The following AMMECR1 variants were observed in gnomAD, a reference collection of about 807,000 sequenced individuals.
The protein encoded by AMMECR1 is AMMECR nuclear protein 1.
AMMECR1 carries 3 observed loss-of-function variants against 22.5 expected under a neutral mutation model. The observed-to-expected ratio is 0.13, with a 90% CI of 0.06 to 0.35. The LOEUF is 0.35. AMMECR1 is among the 10% of genes least tolerant of loss of function. The pLI, the probability that AMMECR1 is intolerant of heterozygous loss-of-function variation, is 1.00. For missense variants in AMMECR1, 235 were observed against 278.7 expected, an observed-to-expected ratio of 0.84 and a Z score of 1.12; for synonymous variants, 130 against 116.7, an observed-to-expected ratio of 1.11 and a Z score of -0.74.
At chrX:110,418,903 C>T (rs2068697577) in intron 2 of AMMECR1, among the ~76,000 whole-genome samples, 1 of 110,651 alleles carries the variant, frequency 9.0e-6, no homozygotes, top group Non-Finnish European at 1.9e-5. Context: ...GAGCCCACCC[C>T]CGCCCTTTAC....
intron 2 of AMMECR1, among the ~76,000 whole-genome samples, chrX:110,354,732 A>G (rs1230544889): frequency 8.9e-6 from 1 of 112,478 alleles, no homozygotes; most frequent in Non-Finnish European, 1.9e-5. Flanking sequence ...CAAAGGTGCC[A>G]AGACTATACA....
intron 2 of AMMECR1, among the ~76,000 whole-genome samples, chrX:110,418,849 T>C (rs1041420053): frequency 8.9e-6 from 1 of 111,899 alleles, no homozygotes; most frequent in Admixed American, 9.5e-5. Flanking sequence ...CAGTGAGTTC[T>C]TTCAGCTCAT....
In AMMECR1 at chrX:110,195,788, A is replaced by G. The variant is rs2067366698; in HGVS notation, c.*2732T>C. 1 of 112,557 alleles carries G rather than the reference A, an allele frequency of 8.9e-6. No individual in the cohort carries two copies. The highest frequency in any genetic ancestry group is 3.2e-5 in the African/African-American group (1 of 30,982). 9.3% of individuals were successfully genotyped at this position (112,557 alleles called of 1,213,427 possible). On this transcript the variant is annotated 3_prime_UTR_variant, in exon 6 of 6. Transcript: ENST00000262844. ...GTTCAAAGTTAATTCATACCACATAATTAACAGCTTTGTATATACGACAAA... is the reference window on the plus strand; with the variant it reads ...GTTCAAAGTTAATTCATACCACATAGTTAACAGCTTTGTATATACGACAAA...
chrX:110,295,766 A>C (rs748820112), intron 1 of AMMECR1, among the ~76,000 whole-genome samples: 2 of 111,692 alleles, frequency 1.8e-5, no homozygotes, highest in Non-Finnish European at 3.8e-5. Flanking sequence ...AAAACAATCT[A>C]GTTCAGATTA....
intron 2 of AMMECR1, among the ~76,000 whole-genome samples, chrX:110,420,601 A>G (rs540185362): frequency 8.9e-6 from 1 of 112,103 alleles, no homozygotes; most frequent in South Asian, 3.7e-4. Flanking sequence ...ACTTAAACAA[A>G]CTTTCAGTGT....
intron 1 of AMMECR1, among the ~76,000 whole-genome samples, chrX:110,302,370 C>T (rs748816803): frequency 9.0e-6 from 1 of 111,024 alleles, no homozygotes; most frequent in South Asian, 3.9e-4. Context: ...CATAAATTTA[C>T]ACCTCCCCAT....
chrX:110,384,412 A>G (rs1011855381), intron 2 of AMMECR1, among the ~76,000 whole-genome samples: 19 of 111,664 alleles, frequency 1.7e-4, no homozygotes, highest in African/African-American at 5.5e-4. Flanking sequence ...AAGAGTACCT[A>G]CCTCACAGGG....
At chrX:110,215,958 T>C (rs1162265552) in intron 3 of AMMECR1, among the ~76,000 whole-genome samples, 1 of 111,980 alleles carries the variant, frequency 8.9e-6, no homozygotes, top group Non-Finnish European at 1.9e-5. Context: ...ACTCTAACAA[T>C]AGCAATGCAC....
chrX:110,220,743 A>C (rs1192670417), intron 2 of AMMECR1, among the ~76,000 whole-genome samples: 1 of 111,580 alleles, frequency 9.0e-6, no homozygotes, highest in Non-Finnish European at 1.9e-5. Flanking sequence ...TCAAGAATAC[A>C]CCTCACCTAA....
intron 1 of AMMECR1, among the ~76,000 whole-genome samples, chrX:110,430,374 C>A (rs2068787856): frequency 8.9e-6 from 1 of 112,387 alleles, no homozygotes; most frequent in African/African-American, 3.2e-5. Context: ...TGTGTATTAA[C>A]TCATTTAATT....
chrX:110,355,838 C>G (rs2068227782), intron 2 of AMMECR1, among the ~76,000 whole-genome samples: 1 of 111,633 alleles, frequency 9.0e-6, no homozygotes, highest in Non-Finnish European at 1.9e-5. Flanking sequence ...CCCAAATGTC[C>G]ATCAACAGAT....
intron 1 of AMMECR1, among the ~76,000 whole-genome samples, chrX:110,296,671 A>G (rs1020255372): frequency 2.7e-5 from 3 of 111,180 alleles, no homozygotes. Context: ...TTTTAATTTC[A>G]TCTATTGTAA....
chrX:110,303,213 G>A (rs772176906), intron 1 of AMMECR1, among the ~76,000 whole-genome samples: 1 of 111,592 alleles, frequency 9.0e-6, no homozygotes, highest in Non-Finnish European at 1.9e-5. Context: ...TCTATGTGTA[G>A]CCCAATGGAG....
chrX:110,412,884 A>T (rs1036562765), intron 2 of AMMECR1, among the ~76,000 whole-genome samples: 6 of 112,437 alleles, frequency 5.3e-5, no homozygotes, highest in African/African-American at 1.9e-4. Context: ...GGGGAGTAGA[A>T]TAGGAGAGGT....
chrX:110,317,783 G>GTAC lies in AMMECR1; in HGVS notation c.288_289insGTA (p.Leu96_Leu97insVal), dbSNP rs2068057775. 8.5e-7 allele frequency: 1 copy of GTAC among 1,171,729 alleles called. No individual in the cohort carries two copies. The highest frequency in any genetic ancestry group is 1.9e-5 in the South Asian group (1 of 52,567). The stretch of plus-strand genomic sequence containing the variant: ...GAGGTGGCGGCGGCCGGGGTAGAAA[G>GTAC]TAGGGTCCCCACTCCGCAGCTCGGA... On this transcript the variant is annotated inframe_insertion, in exon 1 of 6. Transcript: ENST00000262844.
At chrX:110,366,017 G>A (rs931352511) in intron 2 of AMMECR1, among the ~76,000 whole-genome samples, 3 of 111,679 alleles carry the variant, frequency 2.7e-5, no homozygotes, top group South Asian at 7.5e-4. Flanking sequence ...AGATAGAACC[G>A]AAATCTCTGC....
chrX:110,302,638 C>T (rs897433873), intron 1 of AMMECR1, among the ~76,000 whole-genome samples: 7 of 110,869 alleles, frequency 6.3e-5, no homozygotes, highest in East Asian at 2.8e-4. Context: ...TTTGGGAGGC[C>T]GAAGTGGGTG....
intron 2 of AMMECR1, among the ~76,000 whole-genome samples, chrX:110,363,394 C>T (rs2068277060): frequency 9.0e-6 from 1 of 111,558 alleles, no homozygotes; most frequent in Admixed American, 9.5e-5. Flanking sequence ...AGAAATTGCC[C>T]ACTGTAGAAA....
chrX:110,362,110 T>C (rs1049047739), intron 2 of AMMECR1, among the ~76,000 whole-genome samples: 3 of 111,790 alleles, frequency 2.7e-5, no homozygotes, highest in African/African-American at 9.7e-5. Flanking sequence ...AATGAATGCA[T>C]CAGTGGGAGA....
Sources: gnomAD v4.1 joint callset for allele counts (sites outside exome capture counted in the v4.1 genomes callset) on GRCh38, gnomAD v4.1.1 for gene constraint, MANE v1.5 for transcripts, NCBI Gene and HGNC (gene_info 2026-07-23, HGNC 2026-07-21) for gene names.